ZNF841: variants seen among roughly 807,000 people sequenced by gnomAD.
ZNF841 encodes the protein zinc finger protein 841, also known as TCONS_00006091.
In ZNF841, 11 loss-of-function variants were observed where a neutral mutation model predicts 13.0. That is an observed-to-expected ratio of 0.85 (90% CI 0.53 to 1.40). The LOEUF (loss-of-function observed/expected upper bound fraction) is 1.40, where lower values mean the gene tolerates loss of function less well. Among genes scored for constraint, ZNF841 ranks in the 40% most tolerant of loss-of-function variants. ZNF841 has a pLI of 0.00. For synonymous variants in ZNF841, 369 were observed against 381.6 expected (o/e 0.97, Z 0.38); for missense variants, 1,068 against 1,139.5 (o/e 0.94, Z 0.90).
Position 52,066,020 on chromosome 19 carries a change from C to G in ZNF841, c.1862G>C (p.Gly621Ala), listed in dbSNP as rs1369022829. The G allele has an allele frequency of 6.2e-7, 1 of 1,613,982 alleles. No individual in the cohort carries two copies. The highest frequency in any genetic ancestry group is 1.7e-5 in the Admixed American group (1 of 60,000). The change falls in exon 7 of 7, where the codon GGA becomes GCA. Residue 621 changes from glycine to alanine, a missense_variant. By Grantham distance (60) the Gly-to-Ala change is moderately conservative. Coordinates refer to ENST00000594440, the MANE Select transcript of ZNF841 (RefSeq NM_001136499.2). Reference sequence around the variant, plus strand: ...TTCGTTACACTGGAAAGGTTTCTCTCCGGTATGACTTCGCCTATGAATTGA... The same window carrying G: ...TTCGTTACACTGGAAAGGTTTCTCTGCGGTATGACTTCGCCTATGAATTGA... ...NLSIHRRSHT[G>A]EKPFQCNECG...
chr19:52,061,642 G>A (rs1190757059), downstream of ZNF841, among the ~76,000 whole-genome samples: 1 of 152,126 alleles, frequency 6.6e-6, no homozygotes, highest in Non-Finnish European at 1.5e-5. Context: ...CACCTCCCAG[G>A]TTCAAGCAAT....
intron 2 of ZNF841, 86 bp downstream of exon 2, chr19:52,093,760 A>T (rs1490852034): frequency 6.6e-6 from 1 of 152,220 alleles, no homozygotes; most frequent in Non-Finnish European, 1.5e-5. Context: ...CCAAAATAAC[A>T]ATTAATTAAC....
intron 6 of ZNF841, among the ~76,000 whole-genome samples, chr19:52,073,109 C>T (rs1245065967): frequency 1.3e-4 from 20 of 152,022 alleles, no homozygotes; most frequent in Admixed American, 1.3e-3. Context: ...AAAAGACATT[C>T]TATTCAATAA....
chr19:52,086,742 C>G (rs1456916667), intron 3 of ZNF841, among the ~76,000 whole-genome samples: 1 of 152,090 alleles, frequency 6.6e-6, no homozygotes, highest in Non-Finnish European at 1.5e-5. Context: ...GTGAAATGGT[C>G]AGGGAGGTGA....
At chr19:52,094,711 C>T (rs1342212222) in intron 1 of ZNF841, among the ~76,000 whole-genome samples, 1 of 152,008 alleles carries the variant, frequency 6.6e-6, no homozygotes, top group Non-Finnish European at 1.5e-5. Context: ...CCCTCTCTCC[C>T]TCTCTTTCAG....
chr19:52,066,875 C>T lies in ZNF841; in HGVS notation c.1007G>A (p.Arg336Gln), dbSNP rs535315503. 111 of 1,614,038 alleles carry T rather than the reference C, an allele frequency of 6.9e-5. No homozygotes were observed. The South Asian group carries it at 1.1e-3, about 15-fold the overall frequency. The change falls in exon 7 of 7, where the codon CGG becomes CAG. Residue 336 changes from arginine to glutamine, a missense_variant. Arg to Gln is a conservative substitution (Grantham distance 43, BLOSUM62 1). Coordinates refer to ENST00000594440, the MANE Select transcript of ZNF841 (RefSeq NM_001136499.2). The part of the protein sequence containing the change: ...FRQNSDLVNH[R>Q]RSHTGDKPYI... ...GGGTTTGTCTCCAGTGTGACTTCTC[C>T]GGTGATTTACAAGATCTGAATTTTG... is the stretch of plus-strand genomic sequence containing the variant.
At position 52,065,233 on chromosome 19, in the gene ZNF841, G is replaced by A. The variant is rs776879673; in HGVS notation, c.2649C>T (p.Gly883=). 1.9e-6 allele frequency: 3 copies of A among 1,613,758 alleles called. No homozygotes were observed. In the African/African-American group the frequency reaches 4.0e-5, roughly 22 times the overall value. ...SEKPYKCNEC[G]KSYISRSGLT... is the part of the protein sequence containing the mutation. ...GGCCTGAGCGACTAATGTAAGATTTGCCACACTCATTACATTTATAAGGTT... is the reference window on the plus strand; with the variant it reads ...GGCCTGAGCGACTAATGTAAGATTTACCACACTCATTACATTTATAAGGTT... Residue 883 remains glycine (G), a synonymous_variant, in exon 7 of 7, where the codon GGC becomes GGT. Transcript: ENST00000594440.
chr19:52,092,546 T>A (rs2088532564), intron 2 of ZNF841, among the ~76,000 whole-genome samples: 1 of 152,110 alleles, frequency 6.6e-6, no homozygotes, highest in African/African-American at 2.4e-5. Context: ...TTGCTGGGAG[T>A]GTACATCAGT....
chr19:52,067,490 A>C lies in ZNF841; in HGVS notation c.392T>G (p.Phe131Cys), dbSNP rs1226409040. The C allele has an allele frequency of 6.4e-7, 1 of 1,573,414 alleles. No individual in the cohort carries two copies. Among genetic ancestry groups the C allele is most frequent in the Admixed American group, 1.9e-5 (1 of 53,726 alleles). Residue 131 changes from phenylalanine (F) to cysteine (C), a missense_variant, in exon 7 of 7, where the codon TTC becomes TGC. Transcript: ENST00000594440. ...HESYDTENFY[F>C]REIRKNLQEV... ...CTGTAGATTTTTCCGGATTTCCCTG[A>C]AGTAAAAATTTTCAGTGTCATAGCT...
Position 52,065,812 on chromosome 19 carries a change from A to G in ZNF841, c.2070T>C (p.Phe690=). 6.2e-7 allele frequency: 1 copy of G among 1,612,896 alleles called. No individual in the cohort carries two copies. Among genetic ancestry groups the G allele is most frequent in the South Asian group, 1.1e-5 (1 of 91,010 alleles). ...ATCTTGCAAGTTTTGAACTTTGGAT[A>G]AAAGCCTCACCAAATTCATTACAGT... ...PYHCNEFGEA[F]IQSSKLARYH... is the part of the protein sequence containing the mutation. The change falls in exon 7 of 7, where the codon TTT becomes TTC. Residue 690 remains phenylalanine, a synonymous_variant. Coordinates refer to ENST00000594440, the MANE Select transcript of ZNF841 (RefSeq NM_001136499.2).
At chr19:52,084,515 C>T (rs918132114) in intron 4 of ZNF841, among the ~76,000 whole-genome samples, 1 of 152,198 alleles carries the variant, frequency 6.6e-6, no homozygotes, top group Admixed American at 6.5e-5. Flanking sequence ...CAAAAGCTGA[C>T]ACCACAGAAC....
At chr19:52,089,224 G>A (rs536555006) in intron 2 of ZNF841, among the ~76,000 whole-genome samples, 2 of 152,264 alleles carry the variant, frequency 1.3e-5, no homozygotes, top group Admixed American at 1.3e-4. Context: ...ATCTAAAGCT[G>A]GAGAGTTTGA....
chr19:52,082,287 G>T (rs1277836429), intron 4 of ZNF841, among the ~76,000 whole-genome samples: 7 of 152,110 alleles, frequency 4.6e-5, no homozygotes, highest in Non-Finnish European at 1.0e-4. Context: ...AATAAAATGT[G>T]ACTGTTGTAT....
At chr19:52,072,815 G>A (rs987230751) in intron 6 of ZNF841, among the ~76,000 whole-genome samples, 8 of 152,010 alleles carry the variant, frequency 5.3e-5, no homozygotes, top group Admixed American at 3.9e-4. Context: ...GCGTAACTCC[G>A]TCTCAAAAAA....
chr19:52,073,164 T>C (rs1018709044), intron 6 of ZNF841, among the ~76,000 whole-genome samples: 5 of 152,184 alleles, frequency 3.3e-5, no homozygotes, highest in African/African-American at 1.2e-4. Flanking sequence ...AGAATGAAAC[T>C]GGACTCCTAT....
At chr19:52,089,847 C>T (rs1358484879) in intron 2 of ZNF841, among the ~76,000 whole-genome samples, 1 of 152,160 alleles carries the variant, frequency 6.6e-6, no homozygotes, top group Non-Finnish European at 1.5e-5. Context: ...GGACTCCCCT[C>T]CATTTTCCCC....
At chr19:52,069,781 T>TG (rs2087689275) in intron 6 of ZNF841, among the ~76,000 whole-genome samples, 1 of 152,218 alleles carries the variant, frequency 6.6e-6, no homozygotes, top group Non-Finnish European at 1.5e-5. Flanking sequence ...TCTGACATGT[T>TG]GAACTTTGCA....
At chr19:52,083,608 C>T (rs1363927261) in intron 4 of ZNF841, among the ~76,000 whole-genome samples, 1 of 151,926 alleles carries the variant, frequency 6.6e-6, no homozygotes, top group African/African-American at 2.4e-5. Flanking sequence ...ATTCTAGGAG[C>T]TATTTCATGT....
intron 6 of ZNF841, among the ~76,000 whole-genome samples, chr19:52,075,043 A>C (rs775306356): frequency 2.0e-5 from 3 of 152,210 alleles, no homozygotes; most frequent in Non-Finnish European, 4.4e-5. Flanking sequence ...CTCATTACTC[A>C]AAGTGCTCTC....
Sources: allele counts gnomAD v4.1 joint callset (sites outside exome capture counted in the v4.1 genomes callset), GRCh38; gene constraint gnomAD v4.1.1; transcripts MANE v1.5; gene names NCBI Gene and HGNC (gene_info 2026-07-23, HGNC 2026-07-21).